GUCY1A1: variants seen among roughly 807,000 people sequenced by gnomAD.
The protein encoded by GUCY1A1 is guanylate cyclase soluble subunit alpha-1.
GUCY1A1 carries 48 observed loss-of-function variants against 64.5 expected under a neutral mutation model. That is an observed-to-expected ratio of 0.74 (90% CI 0.59 to 0.95). The LOEUF (loss-of-function observed/expected upper bound fraction) is 0.95. GUCY1A1 is among the 40% of genes least tolerant of loss of function. The pLI, the probability that GUCY1A1 is intolerant of heterozygous loss-of-function variation, is 0.00. For synonymous variants in GUCY1A1, 308 were observed against 303.4 expected (o/e 1.02, Z -0.16); for missense variants, 804 against 825.3 (o/e 0.97, Z 0.32).
Position 155,730,356 on chromosome 4 carries a change from C to A in GUCY1A1, c.*125C>A. 3.6e-6 allele frequency: 2 copies of A among 562,990 alleles called. No individual in the cohort carries two copies. The highest frequency in any genetic ancestry group is 3.1e-6 in the Non-Finnish European group (1 of 317,596). 34.9% of individuals were successfully genotyped at this position (562,990 alleles called of 1,614,324 possible). A position where few individuals can be genotyped will look rare whatever the true frequency, so the allele number is the denominator to read the frequency against. On this transcript the variant is annotated 3_prime_UTR_variant, in exon 10 of 10. Transcript: ENST00000506455. ...TATTAAAATTTCAGGAGCCAAGTCA[C>A]AATCTTTCTCCTGTTTAACATGACA...
intron 3 of GUCY1A1, among the ~76,000 whole-genome samples, chr4:155,700,796 G>A (rs1168336588): frequency 6.6e-6 from 1 of 152,128 alleles, no homozygotes; most frequent in Non-Finnish European, 1.5e-5. Flanking sequence ...ATAGTAGGGT[G>A]TTTTAGTGAT....
intron 2 of GUCY1A1, among the ~76,000 whole-genome samples, chr4:155,673,942 T>A (rs1338029717): frequency 6.6e-6 from 1 of 151,598 alleles, no homozygotes; most frequent in Non-Finnish European, 1.5e-5. Flanking sequence ...GAATAATTAC[T>A]TGCTGAATTT....
rs1735349307 is a variant in GUCY1A1, at chr4:155,730,061, A to G, written c.1903A>G (p.Thr635Ala). The G allele has an allele frequency of 1.9e-6, 3 of 1,608,848 alleles. No homozygotes were observed. The highest frequency in any genetic ancestry group is 2.6e-6 in the Non-Finnish European group (3 of 1,175,856). ...CAAAGACTGTCCTGGTTTCGTGTTTACCCCTCGATCAAGGGAGGAACTTCC... is the reference window on the plus strand; with the variant it reads ...CAAAGACTGTCCTGGTTTCGTGTTTGCCCCTCGATCAAGGGAGGAACTTCC... The part of the protein sequence containing the change: ...LLKDCPGFVF[T>A]PRSREELPPN... The change falls in exon 10 of 10, where the codon ACC (threonine) becomes GCC (alanine). Residue 635 changes from threonine to alanine, a missense_variant. Thr to Ala is a moderately conservative substitution (Grantham distance 58). Coordinates refer to ENST00000506455, the MANE Select transcript of GUCY1A1 (RefSeq NM_001130682.3).
intron 2 of GUCY1A1, among the ~76,000 whole-genome samples, chr4:155,681,781 T>A (rs1323630914): frequency 2.0e-5 from 3 of 152,200 alleles, no homozygotes; most frequent in Non-Finnish European, 4.4e-5. Context: ...TTAAACAGTT[T>A]TAGTTAAACT....
intron 3 of GUCY1A1, among the ~76,000 whole-genome samples, chr4:155,700,019 G>A (rs1327118929): frequency 1.3e-5 from 2 of 152,094 alleles, no homozygotes; most frequent in East Asian, 3.8e-4. Context: ...TAGATCTCTT[G>A]CTTAAAGCAA....
chr4:155,675,165 A>G (rs1054140920), intron 2 of GUCY1A1, among the ~76,000 whole-genome samples: 1 of 151,644 alleles, frequency 6.6e-6, no homozygotes, highest in Non-Finnish European at 1.5e-5. Flanking sequence ...TCCATTTGCA[A>G]TATCACTTTG....
chr4:155,696,390 T>G (rs1234892727), intron 2 of GUCY1A1, among the ~76,000 whole-genome samples: 1 of 152,216 alleles, frequency 6.6e-6, no homozygotes, highest in African/African-American at 2.4e-5. Context: ...CAAGCATGAA[T>G]AAAACATAAA....
intron 4 of GUCY1A1, among the ~76,000 whole-genome samples, chr4:155,705,711 C>T (rs1406493392): frequency 6.6e-6 from 1 of 152,172 alleles, no homozygotes; most frequent in African/African-American, 2.4e-5. Flanking sequence ...ATTCATTCAT[C>T]TGTCTCCTAC....
chr4:155,709,699 T>G (rs1732290838), intron 5 of GUCY1A1, among the ~76,000 whole-genome samples: 1 of 152,016 alleles, frequency 6.6e-6, no homozygotes, highest in Admixed American at 6.5e-5. Flanking sequence ...GCAGGCATGC[T>G]CGTGTGCACC....
At position 155,726,426 on chromosome 4, in the gene GUCY1A1, T is replaced by A. The variant is rs77637523; in HGVS notation, c.1872-3604T>A. Among the ~76,000 whole-genome samples the A allele has an allele frequency of 7.5e-3, 1,138 of 152,064 alleles. 17 individuals carry two copies. Among genetic ancestry groups the A allele is most frequent in the African/African-American group, 0.025 (1,036 of 41,522 alleles). On this transcript the variant is annotated intron_variant, in intron 9 of 9. Transcript: ENST00000506455. Reference sequence around the variant, plus strand: ...GTCAACGGTAGGGGCATAATTTTAGTTTTACTCAAACTATAGTACAAGAAG... The same window carrying A: ...GTCAACGGTAGGGGCATAATTTTAGATTTACTCAAACTATAGTACAAGAAG...
intron 2 of GUCY1A1, among the ~76,000 whole-genome samples, 184 bp from the exon 3 acceptor site, chr4:155,696,572 A>G (rs1730436104): frequency 6.6e-6 from 1 of 152,232 alleles, no homozygotes; most frequent in South Asian, 2.1e-4. Flanking sequence ...TAATATTGTG[A>G]AATTCACACA....
At chr4:155,671,643 A>G in intron 2 of GUCY1A1, among the ~76,000 whole-genome samples, 1 of 152,182 alleles carries the variant, frequency 6.6e-6, no homozygotes, top group Non-Finnish European at 1.5e-5. Context: ...GTCAACACTC[A>G]TCTTGAATAC....
At chr4:155,720,787 G>T (rs551691710) in intron 8 of GUCY1A1, among the ~76,000 whole-genome samples, 1 of 152,024 alleles carries the variant, frequency 6.6e-6, no homozygotes, top group Non-Finnish European at 1.5e-5. Context: ...CATTCAAAAC[G>T]CATACATCTA....
intron 2 of GUCY1A1, among the ~76,000 whole-genome samples, chr4:155,695,347 T>TAA (rs57848169): frequency 3.6e-5 from 5 of 138,510 alleles, no homozygotes; most frequent in African/African-American, 1.0e-4. Context: ...GCATAGAAAA[T>TAA]AAAAAAAAAA....
intron 3 of GUCY1A1, among the ~76,000 whole-genome samples, chr4:155,703,692 G>A (rs1328506649): frequency 6.6e-6 from 1 of 152,082 alleles, no homozygotes; most frequent in African/African-American, 2.4e-5. Context: ...TAAACCTGTG[G>A]GCCACAACAC....
At chr4:155,697,957 A>G (rs1248120896) in intron 3 of GUCY1A1, among the ~76,000 whole-genome samples, 1 of 152,220 alleles carries the variant, frequency 6.6e-6, no homozygotes, top group East Asian at 1.9e-4. Flanking sequence ...TTGGCTGGAC[A>G]TTGACTTAAT....
intron 2 of GUCY1A1, among the ~76,000 whole-genome samples, chr4:155,671,966 T>C (rs910349860): frequency 9.2e-5 from 14 of 152,066 alleles, no homozygotes; most frequent in Non-Finnish European, 1.5e-5. Context: ...TTATCTTCTC[T>C]GGATATCATG....
chr4:155,706,654 GGTGT>G lies in GUCY1A1; in HGVS notation c.318-1565_318-1562del, dbSNP rs138575852. 1.6e-3 allele frequency among the ~76,000 whole-genome samples: 244 copies of G among 149,808 alleles called. 1 individual carries two copies. The highest frequency in any genetic ancestry group is 3.5e-3 in the African/African-American group (143 of 40,986). On this transcript the variant is annotated intron_variant, in intron 4 of 9. Transcript: ENST00000506455. ...ATCATTATATGTATGAACTCATGCTGGTGTGTGTGTGTGTGTGTGTATTTGTATA... is the reference window on the plus strand; with the variant it reads ...ATCATTATATGTATGAACTCATGCTGGTGTGTGTGTGTGTGTATTTGTATA...
chr4:155,729,929 A>G (rs1447882038), intron 9 of GUCY1A1, 101 bp from the exon 10 acceptor site: 2 of 705,490 alleles, frequency 2.8e-6, no homozygotes, highest in African/African-American at 3.6e-5. Flanking sequence ...ACCTAAAATC[A>G]CTGGTTTATA....
Sources: allele counts gnomAD v4.1 joint callset (sites outside exome capture counted in the v4.1 genomes callset), GRCh38; gene constraint gnomAD v4.1.1; transcripts MANE v1.5; gene names NCBI Gene and HGNC (gene_info 2026-07-23, HGNC 2026-07-21).